Variants in DNAH3 observed in about 807,000 individuals in gnomAD.
DNAH3 encodes dynein axonemal heavy chain 3.
In DNAH3, 332 loss-of-function variants were observed where a neutral mutation model predicts 432.5. That is an observed-to-expected ratio of 0.77 (90% CI 0.70 to 0.84). The LOEUF is 0.84. Among genes scored for constraint, DNAH3 ranks in the 40% least tolerant of loss-of-function variants. The probability of loss-of-function intolerance (pLI) is 0.00; values close to 1 mark genes in which losing one functional copy is unlikely to be tolerated. For synonymous variants in DNAH3, 1,956 were observed against 1,900.2 expected (o/e 1.03, Z -0.76); for missense variants, 4,861 against 5,114.0 (o/e 0.95, Z 1.51).
At chr16:21,141,945 G>A (rs537673469) in intron 3 of DNAH3, among the ~76,000 whole-genome samples, 147 of 152,230 alleles carry the variant, frequency 9.7e-4, no homozygotes, top group African/African-American at 3.5e-3. Flanking sequence ...CCAGCTACTT[G>A]GGAGGCTGAG....
chr16:21,085,083 A>G (rs2091319514), intron 19 of DNAH3, among the ~76,000 whole-genome samples: 1 of 151,822 alleles, frequency 6.6e-6, no homozygotes, highest in African/African-American at 2.4e-5. Flanking sequence ...GGGCGTTTCA[A>G]AACCAGAAGT....
intron 59 of DNAH3, among the ~76,000 whole-genome samples, chr16:20,938,739 T>C (rs1854937138): frequency 6.6e-6 from 1 of 150,934 alleles, no homozygotes; most frequent in South Asian, 2.1e-4. Context: ...CTTGAGATGA[T>C]TAATCCTGAC....
intron 21 of DNAH3, among the ~76,000 whole-genome samples, chr16:21,073,210 C>T (rs1295499597): frequency 6.6e-6 from 1 of 152,164 alleles, no homozygotes; most frequent in African/African-American, 2.4e-5. Context: ...ACCAGTAGCT[C>T]AGCATTGGGA....
intron 57 of DNAH3, among the ~76,000 whole-genome samples, chr16:20,948,047 A>G (rs773338852): frequency 5.3e-5 from 8 of 152,184 alleles, no homozygotes; most frequent in Non-Finnish European, 1.2e-4. Context: ...AAGTGCTGAG[A>G]TTACAGGCGT....
intron 48 of DNAH3, 178 bp from the exon 49 acceptor site, chr16:20,983,064 G>T: frequency 3.4e-6 from 2 of 593,950 alleles, no homozygotes; most frequent in Non-Finnish European, 5.9e-6. Context: ...CTAATTAGTG[G>T]GATATTTTCA....
intron 53 of DNAH3, among the ~76,000 whole-genome samples, chr16:20,962,807 G>A (rs1228152455): frequency 6.6e-6 from 1 of 152,062 alleles, no homozygotes; most frequent in Non-Finnish European, 1.5e-5. Context: ...ACAGGCATGT[G>A]CCACCATTTC....
intron 39 of DNAH3, among the ~76,000 whole-genome samples, chr16:21,023,265 G>A (rs988698130): frequency 1.3e-5 from 2 of 152,132 alleles, no homozygotes; most frequent in Admixed American, 6.6e-5. Context: ...CTAATTGCAC[G>A]GTAGTAGTGC....
At chr16:21,106,540 C>A (rs1567801534) in exon 15 of DNAH3, 4 of 1,612,160 alleles carry the variant, frequency 2.5e-6, no homozygotes, top group Non-Finnish European at 3.4e-6. Flanking sequence ...ACTTGCATCT[C>A]TAAGTTGCCT....
chr16:21,106,795 A>T (rs543297444), intron 14 of DNAH3, 121 bp from the exon 15 acceptor site: 215 of 909,822 alleles, frequency 2.4e-4, no homozygotes, highest in South Asian at 1.3e-3. Context: ...AAAAAAGAAA[A>T]TTTTTTTTTA....
exon 20 of DNAH3, chr16:21,081,724 T>C (rs1301127287): frequency 4.3e-6 from 7 of 1,613,346 alleles, no homozygotes; most frequent in Non-Finnish European, 5.9e-6. Context: ...ACAATCTCAC[T>C]GATCTGCAAA....
At chr16:20,962,850 G>T (rs547566813) in intron 53 of DNAH3, among the ~76,000 whole-genome samples, 2 of 152,220 alleles carry the variant, frequency 1.3e-5, no homozygotes, top group East Asian at 3.9e-4. Flanking sequence ...TAGCAATGGA[G>T]GTCTCACTAT....
At chr16:21,015,044 T>G (rs1297353635) in intron 41 of DNAH3, among the ~76,000 whole-genome samples, 3 of 152,182 alleles carry the variant, frequency 2.0e-5, no homozygotes, top group Non-Finnish European at 4.4e-5. Context: ...AGCCTTAACA[T>G]TATCCAGCAA....
At chr16:21,119,913 C>T (rs375868565) in intron 11 of DNAH3, among the ~76,000 whole-genome samples, 122 of 152,104 alleles carry the variant, frequency 8.0e-4, no homozygotes, top group South Asian at 2.7e-3. Context: ...TGGTATTGAA[C>T]GCCTGACCTC....
intron 39 of DNAH3, among the ~76,000 whole-genome samples, chr16:21,022,316 T>G (rs1243039464): frequency 1.3e-5 from 2 of 152,196 alleles, no homozygotes; most frequent in Non-Finnish European, 2.9e-5. Flanking sequence ...TAACTCAGTT[T>G]CCCATCCGCA....
chr16:20,975,797 T>G (rs2085561778), intron 50 of DNAH3, among the ~76,000 whole-genome samples: 1 of 152,072 alleles, frequency 6.6e-6, no homozygotes, highest in Non-Finnish European at 1.5e-5. Flanking sequence ...CAGGCTGGAG[T>G]GCAGTGGCAT....
chr16:20,943,603 T>C (rs576881430), intron 58 of DNAH3, among the ~76,000 whole-genome samples: 87 of 152,260 alleles, frequency 5.7e-4, no homozygotes, highest in African/African-American at 2.0e-3. Flanking sequence ...TCTTTGACAC[T>C]CACACATCTT....
At chr16:21,015,939 C>T (rs991121574) in intron 41 of DNAH3, among the ~76,000 whole-genome samples, 4 of 152,066 alleles carry the variant, frequency 2.6e-5, no homozygotes, top group East Asian at 3.9e-4. Context: ...CAGGTGCCCA[C>T]GACCATGTCC....
intron 37 of DNAH3, among the ~76,000 whole-genome samples, chr16:21,029,234 C>T (rs1461378841): frequency 2.0e-5 from 3 of 152,156 alleles, no homozygotes; most frequent in Non-Finnish European, 4.4e-5. Flanking sequence ...CAAAATTATG[C>T]ACATGCTATA....
intron 39 of DNAH3, among the ~76,000 whole-genome samples, chr16:21,024,085 T>A (rs2088408449): frequency 6.6e-6 from 1 of 152,010 alleles, no homozygotes; most frequent in Non-Finnish European, 1.5e-5. Context: ...ACCCGAACTT[T>A]CCCACCTCTT....
Sources: gnomAD v4.1 joint callset for allele counts (sites outside exome capture counted in the v4.1 genomes callset) on GRCh38, gnomAD v4.1.1 for gene constraint, MANE v1.5 for transcripts, NCBI Gene and HGNC (gene_info 2026-07-23, HGNC 2026-07-21) for gene names.